Variants in XKR6 observed in about 807,000 individuals in gnomAD.
The protein encoded by XKR6 is XK-related protein 6.
XKR6 carries 22 observed loss-of-function variants against 56.7 expected under a neutral mutation model. The ratio of observed to expected loss-of-function variants is 0.39; its 90% CI spans 0.28 to 0.55. XKR6 has a LOEUF of 0.55. Ranked by LOEUF, XKR6 falls within the 20% of genes least tolerant of loss-of-function variation. The pLI is 0.66. For missense variants in XKR6, 852 were observed against 889.0 expected (o/e 0.96, Z 0.53); for synonymous variants, 524 against 387.8 (o/e 1.35, Z -4.13).
intron 1 of XKR6, among the ~76,000 whole-genome samples, chr8:10,945,067 G>A (rs766264699): frequency 3.4e-4 from 51 of 152,238 alleles, no homozygotes; most frequent in African/African-American, 1.1e-3. Flanking sequence ...CCCAGGGCTC[G>A]GGAGAGCATT....
At chr8:11,108,831 A>G (rs1033205966) in intron 1 of XKR6, 1 of 155,750 alleles carries the variant, frequency 6.4e-6, no homozygotes, top group Admixed American at 6.5e-5. Context: ...CAGTCCCTAC[A>G]CCCACAGAAA....
intron 1 of XKR6, among the ~76,000 whole-genome samples, chr8:11,042,886 C>G (rs932979060): frequency 2.6e-5 from 4 of 152,158 alleles, no homozygotes; most frequent in African/African-American, 9.7e-5. Flanking sequence ...GCACTTAGGC[C>G]CAGAAGAGTC....
chr8:11,008,133 T>C (rs907403943), intron 1 of XKR6, among the ~76,000 whole-genome samples: 1 of 152,168 alleles, frequency 6.6e-6, no homozygotes, highest in Non-Finnish European at 1.5e-5. Flanking sequence ...TTCCTTTTAC[T>C]CTCACGATGC....
chr8:10,922,274 G>C (rs535537926), intron 2 of XKR6, among the ~76,000 whole-genome samples: 4 of 152,248 alleles, frequency 2.6e-5, no homozygotes, highest in Admixed American at 2.0e-4. Context: ...GGAGAGAAAG[G>C]TGTCCCTCTC....
chr8:11,046,871 A>T (rs950345999), intron 1 of XKR6, among the ~76,000 whole-genome samples: 2 of 152,242 alleles, frequency 1.3e-5, no homozygotes, highest in Admixed American at 1.3e-4. Context: ...GGAGGACATT[A>T]TGCTAAGTGA....
In XKR6 at chr8:11,015,916, G is replaced by A. The variant is rs182219369; in HGVS notation, c.765-91086C>T. On this transcript the variant is annotated intron_variant, in intron 1 of 2. Coordinates refer to ENST00000416569, the MANE Select transcript of XKR6 (RefSeq NM_173683.4). ...GGCGGCGGTGCCAGCTCAGACCCAC[G>A]CCTCTGTCCAAGTCCCGACTCCTGC... Among the ~76,000 whole-genome samples, 934 of 140,020 alleles carry A rather than the reference G, an allele frequency of 6.7e-3. 7 individuals are homozygous for A. The highest frequency in any genetic ancestry group is 0.022 in the African/African-American group (899 of 40,564). 91.9% of individuals were successfully genotyped at this position (140,020 alleles called of 152,430 possible).
intron 1 of XKR6, among the ~76,000 whole-genome samples, chr8:11,088,167 C>T (rs1444031867): frequency 6.6e-6 from 1 of 152,132 alleles, no homozygotes; most frequent in Non-Finnish European, 1.5e-5. Flanking sequence ...CCTTGTAACA[C>T]TGTGATATCA....
chr8:10,983,476 T>C (rs1031732276), intron 1 of XKR6, among the ~76,000 whole-genome samples: 1 of 151,866 alleles, frequency 6.6e-6, no homozygotes, highest in African/African-American at 2.4e-5. Flanking sequence ...TCTGGAAAGA[T>C]AGAAAAGGTA....
intron 1 of XKR6, among the ~76,000 whole-genome samples, chr8:11,117,129 G>A (rs184787397): frequency 1.3e-5 from 2 of 152,126 alleles, no homozygotes; most frequent in African/African-American, 2.4e-5. Context: ...AACATTCAAC[G>A]TCAAAGATAT....
chr8:11,155,840 T>G (rs886437254), intron 1 of XKR6, among the ~76,000 whole-genome samples: 10 of 152,236 alleles, frequency 6.6e-5, no homozygotes, highest in African/African-American at 1.9e-4. Context: ...ATGGCTCTCT[T>G]GCATTTTCAG....
chr8:11,012,616 C>T (rs924614539), intron 1 of XKR6, among the ~76,000 whole-genome samples: 1 of 142,084 alleles, frequency 7.0e-6, no homozygotes, highest in South Asian at 2.5e-4. Flanking sequence ...AGAAAAAGTG[C>T]CCCCCTCACC....
rs188034586 is a variant in XKR6, at chr8:11,126,226, G to T, written c.764+74350C>A. 1.7e-3 allele frequency among the ~76,000 whole-genome samples: 257 copies of T among 151,908 alleles called. 2 individuals are homozygous for T. The highest frequency in any genetic ancestry group is 0.014 in the Middle Eastern group (4 of 294). On this transcript the variant is annotated intron_variant, in intron 1 of 2. Coordinates refer to ENST00000416569, the MANE Select transcript of XKR6 (RefSeq NM_173683.4). ...TAGGATTACAGGCGTGCACTACCAC[G>T]CCCGGCTAATTTTTGTATTTTTAGT... is the stretch of plus-strand genomic sequence containing the variant.
chr8:10,918,443 G>C (rs1371444099), intron 2 of XKR6, among the ~76,000 whole-genome samples: 1 of 152,178 alleles, frequency 6.6e-6, no homozygotes, highest in African/African-American at 2.4e-5. Flanking sequence ...GTGTGTACTG[G>C]ACTTGACAGT....
At chr8:11,136,680 C>T (rs887889720) in intron 1 of XKR6, among the ~76,000 whole-genome samples, 5 of 152,110 alleles carry the variant, frequency 3.3e-5, no homozygotes, top group African/African-American at 1.2e-4. Flanking sequence ...GTGAAGACAG[C>T]AAGAACGCAT....
intron 1 of XKR6, among the ~76,000 whole-genome samples, chr8:11,152,179 T>C (rs1801300908): frequency 2.0e-5 from 3 of 152,216 alleles, no homozygotes; most frequent in Admixed American, 2.0e-4. Flanking sequence ...TCTTAGGGCC[T>C]GAATGCTAAG....
intron 1 of XKR6, among the ~76,000 whole-genome samples, chr8:11,171,744 T>C (rs1011459546): frequency 5.9e-5 from 9 of 152,078 alleles, no homozygotes; most frequent in African/African-American, 2.2e-4. Context: ...AAATGAACTT[T>C]TTTCCTTTAA....
intron 1 of XKR6, among the ~76,000 whole-genome samples, chr8:11,069,710 G>A (rs1055831724): frequency 9.3e-6 from 1 of 107,540 alleles, no homozygotes; most frequent in Non-Finnish European, 1.8e-5. Context: ...ATAGGTGCAA[G>A]AGAGTTCAGG....
intron 2 of XKR6, among the ~76,000 whole-genome samples, chr8:10,905,233 T>C (rs1800153453): frequency 6.6e-6 from 1 of 152,150 alleles, no homozygotes; most frequent in East Asian, 1.9e-4. Flanking sequence ...TCCCACCACC[T>C]GCTTTCCTCC....
chr8:11,074,692 A>G (rs1470657438), intron 1 of XKR6, among the ~76,000 whole-genome samples: 1 of 152,174 alleles, frequency 6.6e-6, no homozygotes, highest in Non-Finnish European at 1.5e-5. Flanking sequence ...AAGGTGGGAG[A>G]GAGGCAGAGA....
Sources: gnomAD v4.1 joint callset for allele counts (sites outside exome capture counted in the v4.1 genomes callset) on GRCh38, gnomAD v4.1.1 for gene constraint, MANE v1.5 for transcripts, NCBI Gene and HGNC (gene_info 2026-07-23, HGNC 2026-07-21) for gene names.